The following GALNT9 variants were observed in gnomAD, a reference collection of about 807,000 sequenced individuals.
GALNT9 encodes the protein GalNAc transferase 9.
Under a neutral mutation model 63.1 loss-of-function variants are expected in GALNT9, and 47 were observed. That is an observed-to-expected ratio of 0.75 (90% CI 0.59 to 0.95). The LOEUF (loss-of-function observed/expected upper bound fraction) is 0.95, where lower values mean the gene tolerates loss of function less well. Ranked by LOEUF, GALNT9 falls within the 40% of genes least tolerant of loss-of-function variation. GALNT9 has a pLI of 0.00. For synonymous variants in GALNT9, 396 were observed against 365.7 expected (o/e 1.08, Z -0.94); for missense variants, 829 against 874.8 (o/e 0.95, Z 0.66).
chr12:132,244,128 T>TGGTGCCTCCACGGGCCAAGACAGCCTGC (rs533713038), intron 6 of GALNT9, among the ~76,000 whole-genome samples: 2 of 145,822 alleles, frequency 1.4e-5, no homozygotes, highest in Non-Finnish European at 3.0e-5. Context: ...CAACAACCTG[T>TGGTGCCTCCACGGGCCAAGACAGCCTGC]GGTGCCTCCA....
At position 132,282,137 on chromosome 12, in the gene GALNT9, C is replaced by T. The variant is rs55913406; in HGVS notation, c.419+4113G>A. ...CAGCAAGGCCAGGCCTGGGGGTCCCCGATCCCACAGAGGAGGAATCAGCTC... is the reference window on the plus strand; with the variant it reads ...CAGCAAGGCCAGGCCTGGGGGTCCCTGATCCCACAGAGGAGGAATCAGCTC... On this transcript the variant is annotated intron_variant, in intron 2 of 10. Coordinates refer to ENST00000328957, the MANE Select transcript of GALNT9 (RefSeq NM_001122636.2). The surrounding 1 kb of genome is among the most constrained non-coding windows in gnomAD (Gnocchi z 4.5). Among the ~76,000 whole-genome samples the T allele has an allele frequency of 3.1e-5, 4 of 130,530 alleles. No homozygotes were observed. Among genetic ancestry groups the T allele is most frequent in the East Asian group, 4.5e-4 (2 of 4,450 alleles). The allele number at this position is 130,530 out of a possible 152,430, so 85.6% of individuals were successfully genotyped here.
At chr12:132,226,768 G>A (rs1877708011) in intron 6 of GALNT9, among the ~76,000 whole-genome samples, 1 of 121,520 alleles carries the variant, frequency 8.2e-6, no homozygotes, top group South Asian at 2.7e-4. Context: ...CCCACACACT[G>A]TACATACACA....
chr12:132,203,568 G>A lies in GALNT9; in HGVS notation c.1200C>T (p.Ala400=), dbSNP rs753432944. 1.9e-5 allele frequency: 31 copies of A among 1,613,850 alleles called. No homozygotes were observed. Among genetic ancestry groups the A allele is most frequent in the East Asian group, 1.8e-4 (8 of 44,884 alleles). Residue 400 remains alanine (A), a synonymous_variant, in exon 7 of 11, where the codon GCC becomes GCT. Coordinates refer to ENST00000328957, the MANE Select transcript of GALNT9 (RefSeq NM_001122636.2). The stretch of plus-strand genomic sequence containing the variant: ...TGAAGTCATCCATCCACACCTCGGC[G>A]GCGCGCAGGGCGTTGCGCTTGGCAT... ...DYYAKRNALR[A]AEVWMDDFKS... is the part of the protein sequence containing the mutation.
At position 132,237,765 on chromosome 12, in the gene GALNT9, C is replaced by T. The variant is rs2136895539; in HGVS notation, c.1077+10145G>A. Among the ~76,000 whole-genome samples the T allele has an allele frequency of 3.1e-4, 47 of 152,338 alleles. 2 individuals are homozygous for T. Among genetic ancestry groups the T allele is most frequent in the African/African-American group, 9.6e-4 (40 of 41,560 alleles). On this transcript the variant is annotated intron_variant, in intron 6 of 10. Coordinates refer to ENST00000328957, the MANE Select transcript of GALNT9 (RefSeq NM_001122636.2). ...CCTGTGCAGAATTGGTGGGGCCTGA[C>T]GCAGCCTCACCACGTGGCATGGAAG...
intron 1 of GALNT9, among the ~76,000 whole-genome samples, chr12:132,290,729 TAGCACCCACATCCAC>T (rs1566014892): frequency 5.8e-4 from 8 of 13,804 alleles, no homozygotes; most frequent in East Asian, 2.0e-3. Context: ...CCCACGTCCA[TAGCACCCACATCCAC>T]AGCACCCACA....
chr12:132,253,646 T>C (rs548784680), intron 5 of GALNT9, among the ~76,000 whole-genome samples: 1 of 152,404 alleles, frequency 6.6e-6, no homozygotes, highest in South Asian at 2.1e-4. Flanking sequence ...ATTCTTATTC[T>C]AACTATTTTC....
intron 7 of GALNT9, among the ~76,000 whole-genome samples, chr12:132,201,953 A>T (rs954822320): frequency 6.6e-6 from 1 of 152,062 alleles, no homozygotes; most frequent in African/African-American, 2.4e-5. Context: ...GCCCTGAGGG[A>T]GCACCTGCAC....
chr12:132,329,442 C>T lies in GALNT9; in HGVS notation c.-239G>A. The T allele has an allele frequency of 3.2e-6, 1 of 313,182 alleles. No homozygotes were observed. The highest frequency in any genetic ancestry group is 8.2e-5 in the East Asian group (1 of 12,268). The allele number at this position is 313,182 out of a possible 1,614,324, so 19.4% of individuals were successfully genotyped here. A position where few individuals can be genotyped will look rare whatever the true frequency, so the allele number is the denominator to read the frequency against. On this transcript the variant is annotated 5_prime_UTR_variant, in exon 1 of 11. Coordinates refer to ENST00000328957, the MANE Select transcript of GALNT9 (RefSeq NM_001122636.2). Reference sequence around the variant, plus strand: ...CGCGGGGCGCGGCCGGCATCCCCCGCTCAGAGGGCGCGGCCCCGCCCCGGG... The same window carrying T: ...CGCGGGGCGCGGCCGGCATCCCCCGTTCAGAGGGCGCGGCCCCGCCCCGGG...
Position 132,203,505 on chromosome 12 carries a change from C to T in GALNT9, c.1263G>A (p.Ser421=), listed in dbSNP as rs200089445. 8.1e-5 allele frequency: 131 copies of T among 1,613,454 alleles called. No individual in the cohort carries two copies. Among genetic ancestry groups the T allele is most frequent in the Non-Finnish European group, 9.6e-5 (113 of 1,179,536 alleles). Reference sequence around the variant, plus strand: ...GGCTCCCGGCCTGTGGGGGACTCACCGACATGGGGATGTTCCAGGCCATGT... The same window carrying T: ...GGCTCCCGGCCTGTGGGGGACTCACTGACATGGGGATGTTCCAGGCCATGT... ...HVYMAWNIPM[S]NPGVDFGDVS... The change falls in exon 7 of 11, where the codon TCG becomes TCA. Residue 421 remains serine (S), a splice_region_variant and synonymous_variant. Coordinates refer to ENST00000328957, the MANE Select transcript of GALNT9 (RefSeq NM_001122636.2).
intron 6 of GALNT9, chr12:132,247,521 A>T (rs1453122087): frequency 2.2e-5 from 10 of 452,488 alleles, no homozygotes; most frequent in African/African-American, 2.0e-4. Flanking sequence ...GGCTCTGGAG[A>T]GGGCTCAGTG....
chr12:132,320,545 A>G (rs1417006170), intron 1 of GALNT9, among the ~76,000 whole-genome samples: 1 of 152,288 alleles, frequency 6.6e-6, no homozygotes, highest in Non-Finnish European at 1.5e-5. Context: ...GTATCGTTTT[A>G]CTAGTAAATA....
chr12:132,257,120 A>C (rs1555239147), intron 5 of GALNT9, among the ~76,000 whole-genome samples: 3 of 152,244 alleles, frequency 2.0e-5, no homozygotes, highest in Non-Finnish European at 4.4e-5. Context: ...AGAGCCTGCC[A>C]AAAACTGTGG....
intron 6 of GALNT9, among the ~76,000 whole-genome samples, chr12:132,243,694 G>T (rs1455590922): frequency 6.6e-6 from 1 of 152,178 alleles, no homozygotes; most frequent in Non-Finnish European, 1.5e-5. Flanking sequence ...CCACCTGGCT[G>T]TCCTGGGGCC....
Position 132,266,260 on chromosome 12 carries a change from C to T in GALNT9, c.420-3635G>A, listed in dbSNP as rs79889075. Among the ~76,000 whole-genome samples the T allele has an allele frequency of 3.9e-3, 595 of 152,358 alleles. 4 individuals are homozygous for T. The highest frequency in any genetic ancestry group is 0.013 in the African/African-American group (553 of 41,570). On this transcript the variant is annotated intron_variant, in intron 2 of 10. Coordinates refer to ENST00000328957, the MANE Select transcript of GALNT9 (RefSeq NM_001122636.2). ...TTCATGAATGTGCATGCACAGCTCC[C>T]GAGAAAGGACTCCCCTCGAGCTAAG...
chr12:132,322,315 G>A (rs1555246227), intron 1 of GALNT9, among the ~76,000 whole-genome samples: 1 of 152,232 alleles, frequency 6.6e-6, no homozygotes, highest in Non-Finnish European at 1.5e-5. Flanking sequence ...AGCCCCTGAG[G>A]TGGGGACATC....
chr12:132,285,011 C>G (rs887243939), intron 2 of GALNT9, among the ~76,000 whole-genome samples: 2 of 152,248 alleles, frequency 1.3e-5, no homozygotes, highest in African/African-American at 4.8e-5. Context: ...GGCTGAGACA[C>G]GCCTTTCCTC....
chr12:132,329,503 C>T lies in GALNT9; in HGVS notation c.-300G>A. ...GGGGGCCGGGGGCGCCGGGGGGCGG[C>T]GGGGAAGGCGCGGGCGGGCGGCGCT... On this transcript the variant is annotated 5_prime_UTR_variant, in exon 1 of 11. Transcript: ENST00000328957. Among the ~76,000 whole-genome samples the T allele has an allele frequency of 6.8e-6, 1 of 147,270 alleles. No individual in the cohort carries two copies. The highest frequency in any genetic ancestry group is 2.0e-4 in the East Asian group (1 of 5,028).
rs534656183 is a variant in GALNT9 at position 132,262,449 on chromosome 12, G to A, written c.586+10C>T. On this transcript the variant is annotated intron_variant, in intron 3 of 10. Transcript: ENST00000328957. ...CCGGCGAGCACCGTGCCGAGGCCCC[G>A]CCCACTCACCGTTGTCACTGTTGTC... 225 of 1,546,948 alleles carry A rather than the reference G, an allele frequency of 1.5e-4. 2 individuals are homozygous for A. In the Admixed American group the frequency reaches 3.1e-3, roughly 21 times the overall value.
rs561962291 is a variant in GALNT9 at position 132,325,672 on chromosome 12, G to T, written c.238+3294C>A. Among the ~76,000 whole-genome samples, 275 of 152,266 alleles carry T rather than the reference G, an allele frequency of 1.8e-3. 1 individual carries two copies. The highest frequency in any genetic ancestry group is 2.9e-3 in the Admixed American group (45 of 15,308). On this transcript the variant is annotated intron_variant, in intron 1 of 10. Coordinates refer to ENST00000328957, the MANE Select transcript of GALNT9 (RefSeq NM_001122636.2). ...CTCTCTGGGCCCCGTGGCCCACCCC[G>T]CTCCAGGCTCTCAGCTTTCCTGCTG...
Sources: allele counts gnomAD v4.1 joint callset (sites outside exome capture counted in the v4.1 genomes callset), GRCh38; gene constraint gnomAD v4.1.1; non-coding constraint Gnocchi (gnomAD v3.1); transcripts MANE v1.5; gene names NCBI Gene and HGNC (gene_info 2026-07-23, HGNC 2026-07-21).